Variants in SPAG16 observed in about 807,000 individuals in gnomAD.
The protein encoded by SPAG16 is sperm-associated antigen 16 protein.
SPAG16 carries 86 observed loss-of-function variants against 80.4 expected under a neutral mutation model. The ratio of observed to expected loss-of-function variants is 1.07; its 90% CI spans 0.90 to 1.28. The LOEUF is 1.28. Among genes scored for constraint, SPAG16 ranks in the 50% most tolerant of loss-of-function variants. The pLI is 0.00. For synonymous variants in SPAG16, 294 were observed against 265.9 expected (o/e 1.11, Z -1.03); for missense variants, 870 against 765.3 (o/e 1.14, Z -1.61).
At chr2:214,313,945 C>A (rs1695505190) in intron 15 of SPAG16, among the ~76,000 whole-genome samples, 1 of 152,014 alleles carries the variant, frequency 6.6e-6, no homozygotes, top group Non-Finnish European at 1.5e-5. Context: ...ATTGCTAATT[C>A]AAAATATATG....
intron 15 of SPAG16, among the ~76,000 whole-genome samples, chr2:214,278,717 C>G (rs186513473): frequency 1.5e-4 from 23 of 152,256 alleles, no homozygotes; most frequent in Admixed American, 1.4e-3. Context: ...CTTTAAAGCT[C>G]CCATTTGATT....
At position 213,573,662 on chromosome 2, in the gene SPAG16, T is replaced by C. The variant is rs540951164; in HGVS notation, c.1070+83572T>C. 5.6e-4 allele frequency among the ~76,000 whole-genome samples: 86 copies of C among 152,352 alleles called. 1 individual carries two copies. Among genetic ancestry groups the C allele is most frequent in the African/African-American group, 1.9e-3 (81 of 41,590 alleles). The stretch of plus-strand genomic sequence containing the variant: ...TTTGTATATATTTTTATACGTATTT[T>C]AAGTTTTTCTAGGTAAATGTAAGTC... On this transcript the variant is annotated intron_variant, in intron 10 of 15. Coordinates refer to ENST00000331683, the MANE Select transcript of SPAG16 (RefSeq NM_024532.5).
At chr2:213,375,951 A>C (rs1388399307) in intron 9 of SPAG16, among the ~76,000 whole-genome samples, 1 of 150,226 alleles carries the variant, frequency 6.7e-6, no homozygotes, top group Non-Finnish European at 1.5e-5. Context: ...ATTTTTATAA[A>C]TTTGTATAAA....
chr2:213,702,387 T>C (rs2065485598), intron 10 of SPAG16, among the ~76,000 whole-genome samples: 1 of 152,236 alleles, frequency 6.6e-6, no homozygotes, highest in Non-Finnish European at 1.5e-5. Context: ...TGCTGCTGTT[T>C]GGGTCCATGC....
At chr2:214,381,309 G>C (rs1254927133) in intron 15 of SPAG16, among the ~76,000 whole-genome samples, 1 of 152,180 alleles carries the variant, frequency 6.6e-6, no homozygotes, top group Admixed American at 6.5e-5. Context: ...ATCAAATCAA[G>C]AGGTGCTTTT....
intron 10 of SPAG16, among the ~76,000 whole-genome samples, chr2:213,533,394 G>A (rs1422446449): frequency 1.3e-5 from 2 of 152,128 alleles, no homozygotes; most frequent in East Asian, 1.9e-4. Context: ...TTTTCAGGCT[G>A]AAAGGCAGAA....
At chr2:213,508,570 C>T (rs1336918439) in intron 10 of SPAG16, among the ~76,000 whole-genome samples, 5 of 151,652 alleles carry the variant, frequency 3.3e-5, no homozygotes, top group Non-Finnish European at 7.4e-5. Flanking sequence ...CAGAGTGAGA[C>T]TCCGTCTCAA....
intron 5 of SPAG16, among the ~76,000 whole-genome samples, chr2:213,323,422 CAG>C (rs1427712257): frequency 7.0e-6 from 1 of 143,380 alleles, no homozygotes; most frequent in Non-Finnish European, 1.5e-5. Context: ...GCCTAGGCGA[CAG>C]AGCAAGACTC....
intron 8 of SPAG16, among the ~76,000 whole-genome samples, chr2:213,369,933 G>A (rs527455152): frequency 6.6e-6 from 1 of 152,138 alleles, no homozygotes; most frequent in South Asian, 2.1e-4. Flanking sequence ...TTTACATTAG[G>A]GTTCACTTTT....
intron 15 of SPAG16, among the ~76,000 whole-genome samples, chr2:214,173,415 C>T (rs1343334474): frequency 1.1e-4 from 17 of 151,984 alleles, no homozygotes; most frequent in Admixed American, 2.6e-4. Context: ...TGTAGATATG[C>T]GGCGTTATTT....
chr2:213,410,849 A>G (rs780601780), intron 9 of SPAG16, among the ~76,000 whole-genome samples: 10 of 152,276 alleles, frequency 6.6e-5, no homozygotes, highest in South Asian at 4.1e-4. Flanking sequence ...CCCTGGAGTA[A>G]TAAGTCGTAC....
chr2:213,877,399 T>G (rs1010221749), intron 11 of SPAG16, among the ~76,000 whole-genome samples: 22 of 152,114 alleles, frequency 1.4e-4, no homozygotes, highest in African/African-American at 5.3e-4. Flanking sequence ...AGCCTCAACC[T>G]CCCAACATCA....
At chr2:213,531,359 AGTGTGTGTGTGTGT>A (rs56011234) in intron 10 of SPAG16, among the ~76,000 whole-genome samples, 8 of 142,016 alleles carry the variant, frequency 5.6e-5, no homozygotes, top group African/African-American at 1.3e-4. Flanking sequence ...AAAAGATGTG[AGTGTGTGTGTGTGT>A]GTGTGTGTGT....
At chr2:213,618,708 GTTT>G (rs144453191) in intron 10 of SPAG16, among the ~76,000 whole-genome samples, 14 of 140,164 alleles carry the variant, frequency 1.0e-4, no homozygotes, top group African/African-American at 2.8e-4. Flanking sequence ...GAGGATTTCT[GTTT>G]TTTTTTTTTC....
intron 15 of SPAG16, among the ~76,000 whole-genome samples, chr2:214,303,921 C>T (rs1694736139): frequency 6.6e-6 from 1 of 152,096 alleles, no homozygotes; most frequent in African/African-American, 2.4e-5. Flanking sequence ...AAACTTGTAT[C>T]ATGGTGGTTT....
chr2:214,049,333 T>C (rs2049513041), intron 13 of SPAG16, among the ~76,000 whole-genome samples: 1 of 152,214 alleles, frequency 6.6e-6, no homozygotes, highest in African/African-American at 2.4e-5. Context: ...ATTTGACTTT[T>C]AAAATCTGGA....
intron 10 of SPAG16, among the ~76,000 whole-genome samples, chr2:213,689,442 C>A (rs928399562): frequency 1.4e-5 from 2 of 139,988 alleles, no homozygotes; most frequent in Admixed American, 1.4e-4. Flanking sequence ...CTTTAGATTT[C>A]TTTTGAAAAG....
chr2:213,335,408 A>G lies in SPAG16; in HGVS notation c.537-4755A>G, dbSNP rs538108892. On this transcript the variant is annotated intron_variant, in intron 5 of 15. Coordinates refer to ENST00000331683, the MANE Select transcript of SPAG16 (RefSeq NM_024532.5). The stretch of plus-strand genomic sequence containing the variant: ...AGTGAGTATATGTAACTGTTACACT[A>G]AAAAATACACTATATATATTTAAAG... Among the ~76,000 whole-genome samples, 6 of 152,336 alleles carry G rather than the reference A, an allele frequency of 3.9e-5. No homozygotes were observed. In the South Asian group the frequency reaches 1.2e-3, roughly 32 times the overall value.
chr2:213,311,979 A>G (rs2063205842), intron 4 of SPAG16, among the ~76,000 whole-genome samples: 1 of 151,514 alleles, frequency 6.6e-6, no homozygotes, highest in South Asian at 2.1e-4. Context: ...AGAAAATGCA[A>G]TAGATCCTTT....
Sources: gnomAD v4.1 joint callset for allele counts (sites outside exome capture counted in the v4.1 genomes callset) on GRCh38, gnomAD v4.1.1 for gene constraint, MANE v1.5 for transcripts, NCBI Gene and HGNC (gene_info 2026-07-23, HGNC 2026-07-21) for gene names.